Variants in FBXL17 observed in about 807,000 individuals in gnomAD.
FBXL17 encodes the protein F-box and leucine rich repeat protein 17.
In FBXL17, 22 loss-of-function variants were observed where a neutral mutation model predicts 66.2. The observed-to-expected ratio is 0.33, with a 90% CI of 0.24 to 0.47. FBXL17 has a LOEUF of 0.47. Ranked by LOEUF, FBXL17 falls within the 20% of genes least tolerant of loss-of-function variation. FBXL17 has a pLI of 1.00. For synonymous variants in FBXL17, 474 were observed against 400.5 expected, an observed-to-expected ratio of 1.18 and a Z score of -2.19; for missense variants, 878 against 948.2, an observed-to-expected ratio of 0.93 and a Z score of 0.97.
At chr5:108,055,280 GAAAAAAAA>G (rs1000211060) in intron 6 of FBXL17, among the ~76,000 whole-genome samples, 8 of 23,692 alleles carry the variant, frequency 3.4e-4, no homozygotes, top group Non-Finnish European at 6.3e-4. Flanking sequence ...AGAATTTTTA[GAAAAAAAA>G]AAAAAAAAAA....
intron 7 of FBXL17, among the ~76,000 whole-genome samples, chr5:107,961,186 T>C (rs1389979268): frequency 1.3e-5 from 2 of 151,944 alleles, no homozygotes; most frequent in African/African-American, 4.8e-5. Flanking sequence ...TCTTTTCTTT[T>C]CTTTCTTTCT....
intron 7 of FBXL17, among the ~76,000 whole-genome samples, chr5:107,912,628 C>A (rs906545915): frequency 1.3e-5 from 2 of 152,026 alleles, no homozygotes; most frequent in Non-Finnish European, 2.9e-5. Context: ...TGGATGGGTA[C>A]ATACATATAA....
intron 4 of FBXL17, among the ~76,000 whole-genome samples, chr5:108,326,630 T>G (rs1387631024): frequency 3.3e-5 from 5 of 151,596 alleles, no homozygotes; most frequent in African/African-American, 1.2e-4. Flanking sequence ...GCAAAAGATT[T>G]GAAAAGACAC....
At chr5:108,378,819 C>T (rs4957756) in intron 1 of FBXL17, among the ~76,000 whole-genome samples, 129,831 of 152,244 alleles carry the variant, frequency 0.85, 55,649 homozygotes, top group African/African-American at 0.94. Flanking sequence ...AACAAGATTA[C>T]GAATCCAGAG....
At chr5:108,260,034 C>A (rs75558087) in intron 4 of FBXL17, among the ~76,000 whole-genome samples, 29 of 140,744 alleles carry the variant, frequency 2.1e-4, no homozygotes, top group South Asian at 4.5e-4. Context: ...AAAAAAAAAA[C>A]AAAAAAAAAA....
intron 7 of FBXL17, among the ~76,000 whole-genome samples, chr5:108,017,591 T>G (rs530378064): frequency 6.6e-6 from 1 of 152,324 alleles, no homozygotes; most frequent in Non-Finnish European, 1.5e-5. Context: ...ACTAGGAAGT[T>G]AAGTAACTTG....
chr5:108,071,592 CTTCT>C (rs1748334804), intron 6 of FBXL17, among the ~76,000 whole-genome samples: 1 of 149,114 alleles, frequency 6.7e-6, no homozygotes, highest in African/African-American at 2.5e-5. Flanking sequence ...TCCTCCTCGT[CTTCT>C]TTATTCTCCT....
intron 7 of FBXL17, among the ~76,000 whole-genome samples, chr5:107,931,850 C>T (rs960403784): frequency 2.6e-5 from 4 of 152,128 alleles, no homozygotes; most frequent in East Asian, 1.9e-4. Flanking sequence ...AACTACCACT[C>T]GGTATTATAT....
chr5:108,158,118 A>T (rs1752065135), intron 6 of FBXL17, among the ~76,000 whole-genome samples: 2 of 152,158 alleles, frequency 1.3e-5, no homozygotes. Context: ...CAGATGATGT[A>T]ACTGTCTACT....
intron 4 of FBXL17, among the ~76,000 whole-genome samples, chr5:108,268,134 C>A (rs1174750314): frequency 6.6e-6 from 1 of 151,744 alleles, no homozygotes; most frequent in Non-Finnish European, 1.5e-5. Flanking sequence ...TGGGGAGAAA[C>A]TGGGGAGAGG....
intron 4 of FBXL17, among the ~76,000 whole-genome samples, chr5:108,334,149 A>G (rs1248070191): frequency 1.3e-5 from 2 of 152,180 alleles, no homozygotes; most frequent in Non-Finnish European, 2.9e-5. Flanking sequence ...TAGGTAATTA[A>G]GGTTAAAAAA....
Position 108,137,218 on chromosome 5 carries a change from T to A in FBXL17, c.1745+48899A>T, listed in dbSNP as rs1751168641. 2.0e-5 allele frequency among the ~76,000 whole-genome samples: 3 copies of A among 152,184 alleles called. No individual in the cohort carries two copies. In the South Asian group the frequency reaches 6.2e-4, roughly 31 times the overall value. ...TTAAGAAGGATAATTACATTCAGTG[T>A]AATCTCTTGTAAGTATACATTATTT... On this transcript the variant is annotated intron_variant, in intron 6 of 8. Coordinates refer to ENST00000542267, the MANE Select transcript of FBXL17 (RefSeq NM_001163315.3).
intron 3 of FBXL17, among the ~76,000 whole-genome samples, chr5:108,351,451 G>C (rs960044418): frequency 6.6e-6 from 1 of 152,114 alleles, no homozygotes; most frequent in Admixed American, 6.5e-5. Flanking sequence ...TGATTATTCT[G>C]TATTTAATAA....
At chr5:108,163,387 AC>A (rs1281099898) in intron 6 of FBXL17, among the ~76,000 whole-genome samples, 3 of 142,324 alleles carry the variant, frequency 2.1e-5, no homozygotes, top group African/African-American at 7.7e-5. Flanking sequence ...GGACATGAAA[AC>A]TTTTTTTTTT....
At chr5:108,249,932 T>C (rs1224688863) in intron 4 of FBXL17, among the ~76,000 whole-genome samples, 2 of 152,162 alleles carry the variant, frequency 1.3e-5, no homozygotes, top group African/African-American at 2.4e-5. Context: ...ATTGTAAAAA[T>C]AGTAAGAAGG....
rs187222766 is a variant in FBXL17 at position 108,375,222 on chromosome 5, G to A, written c.993+5477C>T. ...TATTTAAGAAATTAACCAGGCATGC[G>A]CCAGCATGCCTGTGCACCCAGCTAC... On this transcript the variant is annotated intron_variant, in intron 1 of 8. Transcript: ENST00000542267. 2.8e-3 allele frequency among the ~76,000 whole-genome samples: 427 copies of A among 152,094 alleles called. 1 individual carries two copies. Among genetic ancestry groups the A allele is most frequent in the Non-Finnish European group, 4.0e-3 (275 of 67,980 alleles).
At position 108,009,274 on chromosome 5, in the gene FBXL17, T is replaced by TAGATAGATAGATAGATAGATAG. The variant is rs1754072358; in HGVS notation, c.1822+11650_1822+11651insCTATCTATCTATCTATCTATCT. 4.4e-5 allele frequency among the ~76,000 whole-genome samples: 2 copies of TAGATAGATAGATAGATAGATAG among 45,826 alleles called. 1 individual carries two copies. Among genetic ancestry groups the TAGATAGATAGATAGATAGATAG allele is most frequent in the Non-Finnish European group, 7.1e-5 (2 of 28,202 alleles). The allele number at this position is 45,826 out of a possible 152,430, so 30.1% of individuals were successfully genotyped here. A position where few individuals can be genotyped will look rare whatever the true frequency, so the allele number is the denominator to read the frequency against. On this transcript the variant is annotated intron_variant, in intron 7 of 8. Transcript: ENST00000542267. Reference sequence around the variant, plus strand: ...TTGTTCCCTGTTTTATATATATATATATATATATATATATATATATATATA... The same window carrying TAGATAGATAGATAGATAGATAG: ...TTGTTCCCTGTTTTATATATATATATAGATAGATAGATAGATAGATAGATATATATATATATATATATATATA...
At chr5:107,970,520 T>C (rs1336377094) in intron 7 of FBXL17, among the ~76,000 whole-genome samples, 1 of 152,134 alleles carries the variant, frequency 6.6e-6, no homozygotes, top group East Asian at 1.9e-4. Context: ...TAGGCCAGAA[T>C]CTATGATCAA....
chr5:108,086,921 T>C (rs1006217802), intron 6 of FBXL17, among the ~76,000 whole-genome samples: 2 of 152,132 alleles, frequency 1.3e-5, no homozygotes, highest in African/African-American at 4.8e-5. Flanking sequence ...TACCGTGGCA[T>C]ACCACCAGAT....
Sources: allele counts gnomAD v4.1 joint callset (sites outside exome capture counted in the v4.1 genomes callset), GRCh38; gene constraint gnomAD v4.1.1; transcripts MANE v1.5; gene names NCBI Gene and HGNC (gene_info 2026-07-23, HGNC 2026-07-21).